The following ULK4 variants were observed in gnomAD, a reference collection of about 807,000 sequenced individuals.
ULK4 encodes inactive serine/threonine-protein kinase ULK4.
A neutral mutation model predicts 160.6 loss-of-function variants in ULK4; 133 were observed. The observed-to-expected ratio is 0.83, with a 90% CI of 0.72 to 0.96. The LOEUF (loss-of-function observed/expected upper bound fraction) is 0.96, where lower values mean the gene tolerates loss of function less well. Among genes scored for constraint, ULK4 ranks in the 40% least tolerant of loss-of-function variants. ULK4 has a pLI of 0.00. For missense variants in ULK4, 1,580 were observed against 1,499.5 expected (o/e 1.05, Z -0.89); for synonymous variants, 534 against 539.8 (o/e 0.99, Z 0.15).
chr3:41,285,872 G>C (rs190069916), intron 35 of ULK4, among the ~76,000 whole-genome samples: 1 of 152,178 alleles, frequency 6.6e-6, no homozygotes, highest in African/African-American at 2.4e-5. Flanking sequence ...TGTGTGAAGC[G>C]GGGAGGAGAA....
intron 32 of ULK4, among the ~76,000 whole-genome samples, chr3:41,559,151 T>A (rs1489471039): frequency 6.7e-6 from 1 of 150,060 alleles, no homozygotes; most frequent in African/African-American, 2.4e-5. Context: ...CTTGCGATAG[T>A]TTACTGAGAA....
chr3:41,434,758 C>T (rs1277397803), intron 34 of ULK4, among the ~76,000 whole-genome samples: 1 of 152,028 alleles, frequency 6.6e-6, no homozygotes, highest in African/African-American at 2.4e-5. Flanking sequence ...GTGAAAAGTC[C>T]CAGCATATAA....
At chr3:41,745,287 A>G (rs967184800) in intron 22 of ULK4, among the ~76,000 whole-genome samples, 38 of 151,676 alleles carry the variant, frequency 2.5e-4, no homozygotes, top group African/African-American at 8.5e-4. Context: ...AAATAAAAAC[A>G]GAAGAGGTAC....
chr3:41,341,510 C>A (rs1236388826), intron 35 of ULK4, among the ~76,000 whole-genome samples: 1 of 152,204 alleles, frequency 6.6e-6, no homozygotes, highest in Non-Finnish European at 1.5e-5. Flanking sequence ...GCTTCTGCTG[C>A]AGCTCTGAAA....
intron 35 of ULK4, among the ~76,000 whole-genome samples, chr3:41,299,764 C>T (rs181779165): frequency 1.3e-5 from 2 of 152,262 alleles, no homozygotes; most frequent in Admixed American, 1.3e-4. Flanking sequence ...CATATTTTTC[C>T]ACATTGCCAA....
intron 35 of ULK4, among the ~76,000 whole-genome samples, chr3:41,365,932 T>C (rs1300197467): frequency 1.3e-5 from 2 of 152,174 alleles, no homozygotes; most frequent in African/African-American, 4.8e-5. Context: ...ATACTCCAGA[T>C]TGCAAAGTTA....
intron 2 of ULK4, among the ~76,000 whole-genome samples, chr3:41,953,237 C>T (rs973493831): frequency 7.5e-4 from 110 of 147,286 alleles, no homozygotes; most frequent in Non-Finnish European, 1.3e-3. Context: ...TATATACACA[C>T]ACATATATAT....
intron 35 of ULK4, among the ~76,000 whole-genome samples, chr3:41,391,140 C>T (rs554646866): frequency 2.6e-5 from 4 of 152,162 alleles, no homozygotes; most frequent in South Asian, 4.1e-4. Flanking sequence ...ACAGATACAA[C>T]AAAATCATTC....
chr3:41,888,161 A>G (rs977000423), intron 16 of ULK4, among the ~76,000 whole-genome samples: 1 of 152,134 alleles, frequency 6.6e-6, no homozygotes, highest in African/African-American at 2.4e-5. Context: ...AAAAGAAAGA[A>G]TAAAAGGGAA....
intron 16 of ULK4, among the ~76,000 whole-genome samples, chr3:41,888,521 G>A (rs368916200): frequency 1.3e-5 from 2 of 152,176 alleles, no homozygotes; most frequent in African/African-American, 4.8e-5. Flanking sequence ...AAGCAAGAAT[G>A]AGCCACAGGA....
intron 31 of ULK4, among the ~76,000 whole-genome samples, chr3:41,594,090 G>A (rs1311647618): frequency 6.6e-6 from 1 of 152,046 alleles, no homozygotes; most frequent in Non-Finnish European, 1.5e-5. Flanking sequence ...AGGAAGGCAG[G>A]TGGGCAAGCA....
chr3:41,381,549 T>C (rs948026120), intron 35 of ULK4, among the ~76,000 whole-genome samples: 4 of 152,186 alleles, frequency 2.6e-5, no homozygotes, highest in Admixed American at 2.0e-4. Context: ...TAGGCCAAAA[T>C]TGGAATCATC....
chr3:41,422,900 G>T (rs2082693279), intron 34 of ULK4, among the ~76,000 whole-genome samples: 1 of 152,070 alleles, frequency 6.6e-6, no homozygotes, highest in Non-Finnish European at 1.5e-5. Flanking sequence ...ATTTATAATG[G>T]AAAATAACTG....
chr3:41,671,914 G>T (rs1275810757), intron 29 of ULK4, among the ~76,000 whole-genome samples: 2 of 151,922 alleles, frequency 1.3e-5, no homozygotes, highest in African/African-American at 4.8e-5. Context: ...TTTAAAAGTG[G>T]GCAAAGGATA....
intron 32 of ULK4, among the ~76,000 whole-genome samples, chr3:41,508,833 G>A (rs2085480869): frequency 6.6e-6 from 1 of 152,136 alleles, no homozygotes; most frequent in Non-Finnish European, 1.5e-5. Flanking sequence ...CAGCCCTTGA[G>A]TCCCACATCT....
rs1317871537 is a variant in ULK4, at chr3:41,276,676, T to C, written c.3679-27102A>G. The stretch of plus-strand genomic sequence containing the variant: ...AAAAGGAAACAAGAAACTGGGAAAA[T>C]AGTTGTAACATTTCTCACAAAGGGT... On this transcript the variant is annotated intron_variant, in intron 35 of 36. Transcript: ENST00000301831. Among the ~76,000 whole-genome samples, 8 of 152,252 alleles carry C rather than the reference T, an allele frequency of 5.3e-5. No individual in the cohort carries two copies. The East Asian group carries it at 1.2e-3, about 22-fold the overall frequency.
chr3:41,842,551 T>C (rs1357134090), intron 17 of ULK4, among the ~76,000 whole-genome samples: 1 of 151,440 alleles, frequency 6.6e-6, no homozygotes, highest in East Asian at 1.9e-4. Context: ...TTCTCACTCT[T>C]AGTTCTCAGG....
At chr3:41,688,279 C>G (rs969681730) in intron 27 of ULK4, among the ~76,000 whole-genome samples, 2 of 151,974 alleles carry the variant, frequency 1.3e-5, no homozygotes, top group African/African-American at 4.8e-5. Context: ...TATAGCCAAG[C>G]ATGGTGGCTC....
intron 30 of ULK4, among the ~76,000 whole-genome samples, chr3:41,622,233 C>T (rs1223137915): frequency 1.3e-5 from 2 of 152,050 alleles, no homozygotes; most frequent in African/African-American, 4.8e-5. Flanking sequence ...ACCAGAAATA[C>T]CATTTGACCC....
Sources: gnomAD v4.1 joint callset for allele counts (sites outside exome capture counted in the v4.1 genomes callset) on GRCh38, gnomAD v4.1.1 for gene constraint, MANE v1.5 for transcripts, NCBI Gene and HGNC (gene_info 2026-07-23, HGNC 2026-07-21) for gene names.